The following PCLO variants were observed in gnomAD, a reference collection of about 807,000 sequenced individuals.
PCLO encodes the protein piccolo presynaptic cytomatrix protein, also known as protein piccolo.
PCLO carries 82 observed loss-of-function variants against 427.5 expected under a neutral mutation model. The observed-to-expected ratio is 0.19, with a 90% CI of 0.16 to 0.23. The LOEUF (loss-of-function observed/expected upper bound fraction) is 0.23. PCLO is among the 10% of genes least tolerant of loss of function. The pLI, the probability that PCLO is intolerant of heterozygous loss-of-function variation, is 1.00. For synonymous variants in PCLO, 2,357 were observed against 2,155.4 expected (o/e 1.09, Z -2.59); for missense variants, 6,239 against 6,115.9 (o/e 1.02, Z -0.67).
At chr7:83,073,275 A>G (rs886766401) in intron 3 of PCLO, among the ~76,000 whole-genome samples, 2 of 152,050 alleles carry the variant, frequency 1.3e-5, no homozygotes, top group Non-Finnish European at 2.9e-5. Context: ...AGCCCATTAA[A>G]ATTATGGTTA....
rs1788860808 is a variant in PCLO at position 83,038,043 on chromosome 7, ATATATATC to A, written c.3301-71564_3301-71557del. Among the ~76,000 whole-genome samples, 4 of 46,714 alleles carry A rather than the reference ATATATATC, an allele frequency of 8.6e-5. 1 individual carries two copies. Among genetic ancestry groups the A allele is most frequent in the African/African-American group, 6.8e-4 (4 of 5,850 alleles). The allele number at this position is 46,714 out of a possible 152,430, so 30.6% of individuals were successfully genotyped here. A position where few individuals can be genotyped will look rare whatever the true frequency, so the allele number is the denominator to read the frequency against. ...TATATATATATATTTATATATTTAT[ATATATATC>A]TTTATATATATATTTATATATTTAT... is the stretch of plus-strand genomic sequence containing the variant. On this transcript the variant is annotated intron_variant, in intron 3 of 24. Coordinates refer to ENST00000333891, the MANE Select transcript of PCLO (RefSeq NM_033026.6).
intron 3 of PCLO, among the ~76,000 whole-genome samples, chr7:83,024,075 A>G (rs973986005): frequency 2.6e-5 from 4 of 152,148 alleles, no homozygotes; most frequent in Non-Finnish European, 4.4e-5. Flanking sequence ...ATACTCAGAT[A>G]AGAAAAGGCT....
chr7:82,956,986 A>G (rs1385746322), intron 4 of PCLO, 51 bp from the exon 5 acceptor site: 4 of 1,470,770 alleles, frequency 2.7e-6, no homozygotes, highest in Non-Finnish European at 3.6e-6. Context: ...TAAACTAAAA[A>G]CATGGCCTCT....
chr7:83,138,567 T>G (rs2116629479), intron 2 of PCLO, among the ~76,000 whole-genome samples: 1 of 151,890 alleles, frequency 6.6e-6, no homozygotes, highest in East Asian at 1.9e-4. Context: ...AGGCTGAAGT[T>G]GGAGAATCGC....
At chr7:82,785,730 T>G (rs1790971856) in intron 22 of PCLO, among the ~76,000 whole-genome samples, 1 of 152,038 alleles carries the variant, frequency 6.6e-6, no homozygotes, top group Non-Finnish European at 1.5e-5. Context: ...GATGAAAAGG[T>G]GTTTTCCAGG....
intron 9 of PCLO, 92 bp from the exon 10 acceptor site, chr7:82,879,554 A>G: frequency 3.5e-6 from 3 of 852,536 alleles, no homozygotes. Flanking sequence ...TAGGTCTGGT[A>G]TCCAGAAGCT....
In PCLO at chr7:82,980,517, AG is replaced by A. The variant is rs1216824665; in HGVS notation, c.3301-14031del. On this transcript the variant is annotated intron_variant, in intron 3 of 24. Coordinates refer to ENST00000333891, the MANE Select transcript of PCLO (RefSeq NM_033026.6). The stretch of plus-strand genomic sequence containing the variant: ...AATATGATAAAGAAATGTACCCTAA[AG>A]AAAATTGACAGTGCTTTCCAAGCCT... Among the ~76,000 whole-genome samples, 3 of 152,152 alleles carry A rather than the reference AG, an allele frequency of 2.0e-5. No individual in the cohort carries two copies. The East Asian group carries it at 5.8e-4, about 29-fold the overall frequency.
chr7:83,145,597 C>A (rs988468442), intron 2 of PCLO, among the ~76,000 whole-genome samples: 6 of 152,108 alleles, frequency 3.9e-5, no homozygotes, highest in Non-Finnish European at 5.9e-5. Context: ...AAATTCTTAA[C>A]CCCAGTTTTC....
intron 3 of PCLO, among the ~76,000 whole-genome samples, chr7:83,128,187 G>C (rs1490848419): frequency 6.6e-6 from 1 of 151,510 alleles, no homozygotes; most frequent in Non-Finnish European, 1.5e-5. Flanking sequence ...TCAAACCATC[G>C]AGACAGGGAT....
intron 3 of PCLO, among the ~76,000 whole-genome samples, chr7:83,026,754 T>A (rs1454183613): frequency 6.6e-6 from 1 of 151,502 alleles, no homozygotes. Context: ...TAACAAACTG[T>A]CTCTCAGACC....
chr7:82,822,603 G>A lies in PCLO; in HGVS notation c.14683C>T (p.Pro4895Ser). Residue 4895 changes from proline (P) to serine (S), a missense_variant, in exon 20 of 25, where the codon CCA (proline) becomes TCA (serine). This residue lies in a region of PCLO where 877 missense variants were observed against 925.5 expected (regional missense o/e 0.95). Coordinates refer to ENST00000333891, the MANE Select transcript of PCLO (RefSeq NM_033026.6). Reference sequence around the variant, plus strand: ...CTGGTTTTGCTTTGACTGCGAGATGGTCCATGAGAACGGAGATGGCCTTCT... The same window carrying A: ...CTGGTTTTGCTTTGACTGCGAGATGATCCATGAGAACGGAGATGGCCTTCT... The part of the protein sequence containing the change: ...SSEGHLRSHG[P>S]SRSQSKTSVT... 1 of 1,613,706 alleles carries A rather than the reference G, an allele frequency of 6.2e-7. No homozygotes were observed. Among genetic ancestry groups the A allele is most frequent in the Non-Finnish European group, 8.5e-7 (1 of 1,179,750 alleles).
At chr7:83,134,167 T>C (rs1791645765) in intron 3 of PCLO, 83 bp downstream of exon 3, 1 of 397,594 alleles carries the variant, frequency 2.5e-6, no homozygotes, top group East Asian at 5.2e-5. Context: ...TGCTCAGATA[T>C]TTGGCCACCC....
rs537989474 is a variant in PCLO, at chr7:83,154,638, A to C, written c.1893+110T>G. The stretch of plus-strand genomic sequence containing the variant: ...AACAAAACGAACGAAGGAGGGGAGA[A>C]TCCAGAGAAAGACAATGCCATCATG... On this transcript the variant is annotated intron_variant, in intron 2 of 24. Coordinates refer to ENST00000333891, the MANE Select transcript of PCLO (RefSeq NM_033026.6). The C allele has an allele frequency of 3.6e-6, 3 of 835,474 alleles. No homozygotes were observed. In the East Asian group the frequency reaches 7.8e-5, roughly 22 times the overall value. The allele number at this position is 835,474 out of a possible 1,614,324, so 51.8% of individuals were successfully genotyped here. A position where few individuals can be genotyped will look rare whatever the true frequency, so the allele number is the denominator to read the frequency against.
chr7:82,862,305 G>A (rs1272210112), intron 10 of PCLO, among the ~76,000 whole-genome samples: 3 of 151,926 alleles, frequency 2.0e-5, no homozygotes, highest in Non-Finnish European at 4.4e-5. Flanking sequence ...AATAACAAAT[G>A]CTGATGAGGA....
chr7:83,023,802 A>T (rs1000875834), intron 3 of PCLO, among the ~76,000 whole-genome samples: 3 of 152,232 alleles, frequency 2.0e-5, no homozygotes, highest in Non-Finnish European at 2.9e-5. Flanking sequence ...GAGGAGCTAA[A>T]CTAATAACTC....
rs776956606 is a variant in PCLO at position 82,965,884 on chromosome 7, T to C, written c.3904A>G (p.Thr1302Ala). 1 of 1,613,988 alleles carries C rather than the reference T, an allele frequency of 6.2e-7. No homozygotes were observed. The highest frequency in any genetic ancestry group is 8.5e-7 in the Non-Finnish European group (1 of 1,179,854). Residue 1302 changes from threonine (T) to alanine (A), a missense_variant, in exon 4 of 25, where the codon ACA (threonine) becomes GCA (alanine). Around this residue, in one of 5 missense-constraint regions of PCLO, gnomAD observed 4,677 missense variants for 4,468.4 expected, o/e 1.05. Coordinates refer to ENST00000333891, the MANE Select transcript of PCLO (RefSeq NM_033026.6). ...QTKMEGLPSG[T>A]PQSLPKEDDK... ...TCTTCTTTAGGTAAACTCTGAGGTG[T>C]GCCAGATGGTAAACCTTCCATCTTG...
chr7:83,028,747 T>C (rs1397058078), intron 3 of PCLO, among the ~76,000 whole-genome samples: 1 of 150,912 alleles, frequency 6.6e-6, no homozygotes, highest in Non-Finnish European at 1.5e-5. Context: ...ATGGTACTGG[T>C]ACCAAAACAG....
chr7:82,764,290 C>T (rs1488290185), intron 22 of PCLO, among the ~76,000 whole-genome samples: 1 of 151,698 alleles, frequency 6.6e-6, no homozygotes, highest in Non-Finnish European at 1.5e-5. Flanking sequence ...ATTATAAAAA[C>T]TATAAATAAA....
In PCLO at chr7:82,786,998, C is replaced by T. The variant is rs947313449; in HGVS notation, c.15007+14520G>A. 2.0e-5 allele frequency among the ~76,000 whole-genome samples: 3 copies of T among 150,694 alleles called. No individual in the cohort carries two copies. In the South Asian group the frequency reaches 6.2e-4, roughly 31 times the overall value. ...CTTTATCCAGTCTATCACTGATAGG[C>T]GTTTGGGTTGGTTCCAAGTCTTTTC... On this transcript the variant is annotated intron_variant, in intron 22 of 24. Transcript: ENST00000333891.
Sources: gnomAD v4.1 joint callset for allele counts (sites outside exome capture counted in the v4.1 genomes callset) on GRCh38, gnomAD v4.1.1 for gene constraint, gnomAD v4.1.1 regional missense constraint, MANE v1.5 for transcripts, NCBI Gene and HGNC (gene_info 2026-07-23, HGNC 2026-07-21) for gene names.